The following CDK12 variants were observed in gnomAD, a reference collection of about 807,000 sequenced individuals.
CDK12 encodes cyclin-dependent kinase 12.
In CDK12, 17 loss-of-function variants were observed where a neutral mutation model predicts 133.8. The observed-to-expected ratio is 0.13, with a 90% CI of 0.09 to 0.19. CDK12 has a LOEUF of 0.19. Ranked by LOEUF, CDK12 falls within the 10% of genes least tolerant of loss-of-function variation. The pLI is 1.00. For missense variants in CDK12, 1,508 were observed against 1,818.7 expected (o/e 0.83, Z 3.11); for synonymous variants, 694 against 683.6 (o/e 1.02, Z -0.24).
At chr17:39,523,238 C>T (rs532080711) in intron 11 of CDK12, among the ~76,000 whole-genome samples, 1 of 152,168 alleles carries the variant, frequency 6.6e-6, no homozygotes, top group East Asian at 1.9e-4. Flanking sequence ...CTTTGGGAGG[C>T]TGAGGCAGGC....
intron 11 of CDK12, among the ~76,000 whole-genome samples, chr17:39,522,383 G>C (rs552102059): frequency 6.6e-6 from 1 of 150,830 alleles, no homozygotes; most frequent in Non-Finnish European, 1.5e-5. Flanking sequence ...CACTGAACCC[G>C]GCCAACAGTC....
In CDK12 at chr17:39,533,935, A is replaced by G. The variant is rs1230971663; in HGVS notation, c.*2619A>G. On this transcript the variant is annotated 3_prime_UTR_variant, in exon 14 of 14. Coordinates refer to ENST00000447079, the MANE Select transcript of CDK12 (RefSeq NM_016507.4). ...TTCACCTTGACTATTTGAAAATTAC[A>G]GACCCAATTAATTCCATTCAAAAGT... 8.6e-6 allele frequency: 2 copies of G among 232,122 alleles called. No individual in the cohort carries two copies. Among genetic ancestry groups the G allele is most frequent in the Non-Finnish European group, 1.7e-5 (2 of 117,374 alleles). The allele number at this position is 232,122 out of a possible 1,614,324, so 14.4% of individuals were successfully genotyped here.
chr17:39,507,295 T>G (rs894511833), intron 6 of CDK12, among the ~76,000 whole-genome samples: 27 of 151,674 alleles, frequency 1.8e-4, no homozygotes, highest in Non-Finnish European at 2.9e-5. Context: ...TCAGTAAAAG[T>G]GCTATCAGCG....
In CDK12 at chr17:39,498,233, T is replaced by G. The variant is rs535742048; in HGVS notation, c.2420-3017T>G. On this transcript the variant is annotated intron_variant, in intron 5 of 13. Transcript: ENST00000447079. Reference sequence around the variant, plus strand: ...GGTCTTTTTGTTTTGTTTTATTTTGTTTTTTTTTTGAGACGGCGTCTCACT... The same window carrying G: ...GGTCTTTTTGTTTTGTTTTATTTTGGTTTTTTTTTGAGACGGCGTCTCACT... Among the ~76,000 whole-genome samples the G allele has an allele frequency of 8.4e-4, 123 of 147,290 alleles. 1 individual carries two copies. The highest frequency in any genetic ancestry group is 2.9e-3 in the African/African-American group (118 of 40,308).
At chr17:39,466,423 T>A (rs2049313453) in intron 1 of CDK12, among the ~76,000 whole-genome samples, 1 of 151,134 alleles carries the variant, frequency 6.6e-6, no homozygotes, top group South Asian at 2.1e-4. Context: ...GAGACCAGCC[T>A]GACCAACATG....
chr17:39,530,478 G>T lies in CDK12; in HGVS notation c.3761-126G>T, dbSNP rs147659673. The T allele has an allele frequency of 9.6e-6, 13 of 1,354,400 alleles. No homozygotes were observed. The East Asian group carries it at 3.0e-4, about 31-fold the overall frequency. 83.9% of individuals were successfully genotyped at this position (1,354,400 alleles called of 1,614,324 possible). A position where few individuals can be genotyped will look rare whatever the true frequency, so the allele number is the denominator to read the frequency against. ...TATAATTGCAATTTTCTGATCCCAA[G>T]ATTTTATTCTTTATATATCTGGTTA... On this transcript the variant is annotated intron_variant, in intron 13 of 13. Coordinates refer to ENST00000447079, the MANE Select transcript of CDK12 (RefSeq NM_016507.4).
intron 2 of CDK12, among the ~76,000 whole-genome samples, chr17:39,555,019 G>A (rs1367604555): frequency 2.6e-5 from 4 of 152,014 alleles, no homozygotes; most frequent in Non-Finnish European, 2.9e-5. Context: ...GGAGGCCGAC[G>A]CAGGCGGATC....
chr17:39,539,563 A>G (rs1016126835), intron 1 of CDK12, among the ~76,000 whole-genome samples: 1 of 152,184 alleles, frequency 6.6e-6, no homozygotes, highest in African/African-American at 2.4e-5. Flanking sequence ...TCATTAGCAG[A>G]GGCATGTCCT....
intron 3 of CDK12, among the ~76,000 whole-genome samples, chr17:39,563,306 C>T (rs1213740790): frequency 6.6e-6 from 1 of 151,874 alleles, no homozygotes; most frequent in Non-Finnish European, 1.5e-5. Flanking sequence ...GAGTGGGAAC[C>T]CTGACTGGGT....
At chr17:39,521,363 C>G (rs993502285) in intron 11 of CDK12, among the ~76,000 whole-genome samples, 2 of 149,426 alleles carry the variant, frequency 1.3e-5, no homozygotes, top group Non-Finnish European at 3.0e-5. Context: ...CTCCGCCTCC[C>G]AGTTTCAAGC....
chr17:39,528,710 A>G (rs917266952), intron 13 of CDK12, among the ~76,000 whole-genome samples: 7 of 152,268 alleles, frequency 4.6e-5, no homozygotes, highest in Admixed American at 4.6e-4. Flanking sequence ...CTGTTGAAAC[A>G]TAATTAGGCT....
chr17:39,494,020 G>T (rs2051863563), intron 4 of CDK12, among the ~76,000 whole-genome samples: 2 of 151,922 alleles, frequency 1.3e-5, no homozygotes, highest in Non-Finnish European at 2.9e-5. Context: ...CAAGTCTTAA[G>T]AAAAAAATTA....
intron 6 of CDK12, among the ~76,000 whole-genome samples, chr17:39,504,956 C>T (rs1408172830): frequency 1.3e-5 from 2 of 150,378 alleles, no homozygotes; most frequent in African/African-American, 2.5e-5. Flanking sequence ...GGGGGCCAGG[C>T]GCAGTGGCTC....
intron 2 of CDK12, among the ~76,000 whole-genome samples, chr17:39,487,021 C>A (rs545747751): frequency 3.9e-5 from 6 of 152,128 alleles, no homozygotes; most frequent in African/African-American, 1.4e-4. Context: ...AAAAAAGAAT[C>A]TATATTACAT....
At chr17:39,467,094 T>C (rs1053401151) in intron 1 of CDK12, among the ~76,000 whole-genome samples, 5 of 152,136 alleles carry the variant, frequency 3.3e-5, no homozygotes, top group African/African-American at 1.2e-4. Context: ...TTCTCCTGCC[T>C]CAGCCTCCCA....
At chr17:39,473,532 C>G (rs2049957273) in intron 2 of CDK12, among the ~76,000 whole-genome samples, 1 of 152,048 alleles carries the variant, frequency 6.6e-6, no homozygotes, top group South Asian at 2.1e-4. Flanking sequence ...CACTTGAACC[C>G]AGGAGTTCAA....
chr17:39,515,863 C>T, intron 9 of CDK12, 55 bp downstream of exon 9: 1 of 1,142,098 alleles, frequency 8.8e-7, no homozygotes, highest in African/African-American at 1.5e-5. Flanking sequence ...TTCTCATCCT[C>T]CAGTTTCTAA....
intron 2 of CDK12, among the ~76,000 whole-genome samples, chr17:39,487,956 T>C (rs562867349): frequency 6.6e-6 from 1 of 152,114 alleles, no homozygotes; most frequent in Non-Finnish European, 1.5e-5. Flanking sequence ...TAAATTGAGA[T>C]AGGCAAAAAA....
chr17:39,482,575 C>T (rs774733499), intron 2 of CDK12, among the ~76,000 whole-genome samples: 44 of 133,776 alleles, frequency 3.3e-4, no homozygotes, highest in Admixed American at 4.9e-4. Flanking sequence ...AGTGTATGTG[C>T]TGCCAAAGTG....
Sources: allele counts gnomAD v4.1 joint callset (sites outside exome capture counted in the v4.1 genomes callset), GRCh38; gene constraint gnomAD v4.1.1; transcripts MANE v1.5; gene names NCBI Gene and HGNC (gene_info 2026-07-23, HGNC 2026-07-21).